PDCD10: variants seen among roughly 807,000 people sequenced by gnomAD.
PDCD10 encodes programmed cell death 10, also known as programmed cell death protein 10.
PDCD10 carries 4 observed loss-of-function variants against 29.2 expected under a neutral mutation model. The observed-to-expected ratio is 0.14, with a 90% confidence interval of 0.07 to 0.31. The LOEUF (loss-of-function observed/expected upper bound fraction) is 0.31. Ranked by LOEUF, PDCD10 falls within the 10% of genes least tolerant of loss-of-function variation. The pLI, the probability that PDCD10 is intolerant of heterozygous loss-of-function variation, is 1.00. For missense variants in PDCD10, 183 were observed against 257.9 expected (o/e 0.71, Z 1.99); for synonymous variants, 70 against 82.2 (o/e 0.85, Z 0.80).
chr3:167,699,388 C>T (rs1233297026), intron 4 of PDCD10, among the ~76,000 whole-genome samples: 5 of 152,190 alleles, frequency 3.3e-5, no homozygotes, highest in African/African-American at 4.8e-5. Flanking sequence ...TAAAATACTT[C>T]GTGGCACCCC....
intron 4 of PDCD10, among the ~76,000 whole-genome samples, chr3:167,700,942 AGTAAAGCAGAGAAGTGAGC>A (rs1577337902): frequency 6.6e-6 from 1 of 152,362 alleles, no homozygotes; most frequent in East Asian, 1.9e-4. Context: ...AATATTTATT[AGTAAAGCAGAGAAGTGAGC>A]ACCAGAATTT....
intron 6 of PDCD10, among the ~76,000 whole-genome samples, chr3:167,688,367 G>C (rs772761927): frequency 3.9e-5 from 6 of 151,964 alleles, no homozygotes; most frequent in African/African-American, 7.3e-5. Context: ...TAAATTACTA[G>C]AGGAGACAAC....
chr3:167,690,988 T>A (rs1720167230), intron 6 of PDCD10, among the ~76,000 whole-genome samples: 1 of 152,230 alleles, frequency 6.6e-6, no homozygotes, highest in Non-Finnish European at 1.5e-5. Flanking sequence ...TGATACAATC[T>A]ATAGCATCAC....
intron 2 of PDCD10, 41 bp from the exon 3 acceptor site, chr3:167,720,314 A>C: frequency 1.7e-6 from 1 of 605,988 alleles, no homozygotes; most frequent in Non-Finnish European, 2.9e-6. Flanking sequence ...TACTATATTA[A>C]GGAGAAACGA....
At chr3:167,733,184 T>C (rs1026545166) in intron 2 of PDCD10, among the ~76,000 whole-genome samples, 1 of 152,216 alleles carries the variant, frequency 6.6e-6, no homozygotes, top group African/African-American at 2.4e-5. Flanking sequence ...GATCAACTTA[T>C]ATATAAAACA....
At chr3:167,695,564 G>A in intron 6 of PDCD10, 32 bp downstream of exon 6, 1 of 1,604,812 alleles carries the variant, frequency 6.2e-7, no homozygotes, top group Non-Finnish European at 8.5e-7. Flanking sequence ...GTACTTTTAA[G>A]AAAAGAAGAA....
chr3:167,732,194 T>C (rs553215208), intron 2 of PDCD10, among the ~76,000 whole-genome samples: 2 of 152,276 alleles, frequency 1.3e-5, no homozygotes, highest in Admixed American at 6.5e-5. Context: ...AGATCTCGAT[T>C]TTGTCTTACT....
At chr3:167,716,223 T>C (rs1426345840) in intron 3 of PDCD10, among the ~76,000 whole-genome samples, 1 of 151,822 alleles carries the variant, frequency 6.6e-6, no homozygotes, top group Non-Finnish European at 1.5e-5. Context: ...ATAAAATAAT[T>C]GAACTCATGG....
intron 2 of PDCD10, among the ~76,000 whole-genome samples, chr3:167,733,841 G>A (rs750917014): frequency 6.6e-6 from 1 of 152,200 alleles, no homozygotes; most frequent in Non-Finnish European, 1.5e-5. Context: ...TGAACTGTGA[G>A]AGTAGAGTCT....
chr3:167,725,246 G>A (rs1723977678), intron 2 of PDCD10, among the ~76,000 whole-genome samples: 1 of 125,706 alleles, frequency 8.0e-6, no homozygotes, highest in South Asian at 2.9e-4. Flanking sequence ...AACAGAGCGA[G>A]ACTCTGTCTC....
chr3:167,714,117 A>C (rs1722778915), intron 3 of PDCD10, among the ~76,000 whole-genome samples: 1 of 152,046 alleles, frequency 6.6e-6, no homozygotes, highest in African/African-American at 2.4e-5. Flanking sequence ...CTACAGGCCA[A>C]TCTCTGATAA....
chr3:167,728,785 T>C (rs1315282587), intron 2 of PDCD10, among the ~76,000 whole-genome samples: 4 of 152,178 alleles, frequency 2.6e-5, no homozygotes, highest in African/African-American at 9.7e-5. Context: ...GTTGGAGATA[T>C]GGTGATGAAA....
intron 3 of PDCD10, among the ~76,000 whole-genome samples, chr3:167,711,120 G>C (rs138508613): frequency 6.6e-6 from 1 of 152,050 alleles, no homozygotes. Flanking sequence ...AGACACCAAC[G>C]AACATCCAGA....
chr3:167,687,711 A>G lies in PDCD10; in HGVS notation c.396-18T>C. On this transcript the variant is annotated intron_variant, in intron 6 of 8. Coordinates refer to ENST00000392750, the MANE Select transcript of PDCD10 (RefSeq NM_007217.4). ...CTATATCCCTGTTGGGAAAAGAATA[A>G]AGAATATCAGCTACATTTGAAAGAA... 7.6e-7 allele frequency: 1 copy of G among 1,321,448 alleles called. No individual in the cohort carries two copies. Among genetic ancestry groups the G allele is most frequent in the South Asian group, 1.2e-5 (1 of 85,072 alleles). 81.9% of individuals were successfully genotyped at this position (1,321,448 alleles called of 1,614,324 possible).
At position 167,727,792 on chromosome 3, in the gene PDCD10, C is replaced by T. The variant is rs79059846; in HGVS notation, c.-117+6422G>A. Among the ~76,000 whole-genome samples, 301 of 152,288 alleles carry T rather than the reference C, an allele frequency of 2.0e-3. 5 individuals are homozygous for T. The East Asian group carries it at 0.02, about 10-fold the overall frequency. ...AATTTAACTTAATGACTCCTAATGG[C>T]TTAAGATCCTCTAAAACATGCAACA... On this transcript the variant is annotated intron_variant, in intron 2 of 8. Transcript: ENST00000392750.
In PDCD10 at chr3:167,687,335, A is replaced by G. The variant is rs753808381; in HGVS notation, c.475-19T>C. The stretch of plus-strand genomic sequence containing the variant: ...CAAGTGCCTACAGTCACAAAATATA[A>G]TAAGAAATAAAGTACTAAATAAGAG... On this transcript the variant is annotated intron_variant, in intron 7 of 8. Transcript: ENST00000392750. 9.4e-6 allele frequency: 13 copies of G among 1,380,928 alleles called. No homozygotes were observed. In the South Asian group the frequency reaches 1.3e-4, roughly 14 times the overall value. 85.5% of individuals were successfully genotyped at this position (1,380,928 alleles called of 1,614,324 possible).
At chr3:167,704,645 AG>A (rs1014958893) in intron 4 of PDCD10, 196 bp downstream of exon 4, 1 of 505,608 alleles carries the variant, frequency 2.0e-6, no homozygotes, top group African/African-American at 1.9e-5. Context: ...AGTGATGAAA[AG>A]ATGAATGCTA....
intron 2 of PDCD10, among the ~76,000 whole-genome samples, chr3:167,731,325 A>G (rs1459465744): frequency 6.6e-6 from 1 of 152,208 alleles, no homozygotes; most frequent in Non-Finnish European, 1.5e-5. Flanking sequence ...GCTGTGTTAC[A>G]CAGCAATTCT....
chr3:167,691,317 C>T (rs1026140780), intron 6 of PDCD10, among the ~76,000 whole-genome samples: 2 of 152,086 alleles, frequency 1.3e-5, no homozygotes, highest in Non-Finnish European at 2.9e-5. Flanking sequence ...GCAAATTATC[C>T]CTCCTCAAAT....
Sources: gnomAD v4.1 joint callset for allele counts (sites outside exome capture counted in the v4.1 genomes callset) on GRCh38, gnomAD v4.1.1 for gene constraint, MANE v1.5 for transcripts, NCBI Gene and HGNC (gene_info 2026-07-23, HGNC 2026-07-21) for gene names.